Variants in LRRC4C observed in about 807,000 individuals in gnomAD.
LRRC4C encodes leucine-rich repeat-containing protein 4C.
A neutral mutation model predicts 33.6 loss-of-function variants in LRRC4C; 5 were observed. The ratio of observed to expected loss-of-function variants is 0.15; its 90% CI spans 0.08 to 0.31. The LOEUF is 0.31. Ranked by LOEUF, LRRC4C falls within the 10% of genes least tolerant of loss-of-function variation. The pLI is 1.00. For missense variants in LRRC4C, 560 were observed against 796.7 expected (o/e 0.70, Z 3.58); for synonymous variants, 329 against 302.0 (o/e 1.09, Z -0.93).
chr11:40,338,679 AT>A (rs763860062), intron 3 of LRRC4C, among the ~76,000 whole-genome samples: 1 of 152,060 alleles, frequency 6.6e-6, no homozygotes, highest in African/African-American at 2.4e-5. Flanking sequence ...TTTTGAAAGT[AT>A]TTTTTTTAAA....
At chr11:41,277,459 G>A (rs568602382) in intron 1 of LRRC4C, among the ~76,000 whole-genome samples, 1 of 152,252 alleles carries the variant, frequency 6.6e-6, no homozygotes, top group South Asian at 2.1e-4. Context: ...ATTGGAAAAT[G>A]TATTTCCATA....
At chr11:40,758,036 A>G (rs761740871) in intron 2 of LRRC4C, among the ~76,000 whole-genome samples, 1 of 152,072 alleles carries the variant, frequency 6.6e-6, no homozygotes, top group Non-Finnish European at 1.5e-5. Context: ...AGTTGCTTCA[A>G]TGCAGTGACG....
At chr11:40,650,369 G>A (rs1268773190) in intron 2 of LRRC4C, among the ~76,000 whole-genome samples, 1 of 152,018 alleles carries the variant, frequency 6.6e-6, no homozygotes, top group African/African-American at 2.4e-5. Context: ...CTGAAAAAGG[G>A]CCAGTCATCC....
In LRRC4C at chr11:40,326,738, T is replaced by C. The variant is rs138437061; in HGVS notation, c.-269-7017A>G. 4.3e-3 allele frequency among the ~76,000 whole-genome samples: 651 copies of C among 152,272 alleles called. 5 individuals are homozygous for C. Among genetic ancestry groups the C allele is most frequent in the African/African-American group, 0.014 (594 of 41,556 alleles). On this transcript the variant is annotated intron_variant, in intron 3 of 6. Coordinates refer to ENST00000528697, the MANE Select transcript of LRRC4C (RefSeq NM_001258419.2). ...GACAGAAATCAAACAATGCAGGAAC[T>C]TGCAGCTCCTGTCAGTATTGTTGGA...
chr11:40,384,608 A>G (rs1213292116), intron 3 of LRRC4C, among the ~76,000 whole-genome samples: 1 of 152,168 alleles, frequency 6.6e-6, no homozygotes, highest in Non-Finnish European at 1.5e-5. Context: ...GAATACCAGG[A>G]GTCTCTTAAA....
chr11:40,381,040 T>C (rs1369239164), intron 3 of LRRC4C, among the ~76,000 whole-genome samples: 1 of 152,162 alleles, frequency 6.6e-6, no homozygotes, highest in Non-Finnish European at 1.5e-5. Flanking sequence ...TAACAACCGC[T>C]CAAGCATTGG....
Position 40,513,112 on chromosome 11 carries a change from G to A in LRRC4C, c.-270+135030C>T, listed in dbSNP as rs190256461. Among the ~76,000 whole-genome samples the A allele has an allele frequency of 1.5e-4, 23 of 151,998 alleles. 1 individual carries two copies. The Middle Eastern group carries it at 0.01, about 68-fold the overall frequency. On this transcript the variant is annotated intron_variant, in intron 3 of 6. Transcript: ENST00000528697. ...CAAATACAAAAAATTAGCCAGGCGCGGTGGCATGCGCCTGTAATCCCAGCT... is the reference window on the plus strand; with the variant it reads ...CAAATACAAAAAATTAGCCAGGCGCAGTGGCATGCGCCTGTAATCCCAGCT...
intron 1 of LRRC4C, among the ~76,000 whole-genome samples, chr11:41,007,413 T>G (rs1161569741): frequency 6.6e-6 from 1 of 152,106 alleles, no homozygotes; most frequent in Non-Finnish European, 1.5e-5. Flanking sequence ...TTATACAATT[T>G]GGCAAGAATG....
intron 3 of LRRC4C, among the ~76,000 whole-genome samples, chr11:40,432,116 T>C (rs1156659183): frequency 1.3e-5 from 2 of 152,208 alleles, no homozygotes; most frequent in Non-Finnish European, 2.9e-5. Flanking sequence ...TTAAAATTTT[T>C]ACTCTATCCA....
At chr11:40,621,817 G>A (rs969161881) in intron 3 of LRRC4C, among the ~76,000 whole-genome samples, 2 of 151,696 alleles carry the variant, frequency 1.3e-5, no homozygotes, top group African/African-American at 4.8e-5. Context: ...TTTTCTCAGA[G>A]ATTTTGATGT....
intron 3 of LRRC4C, among the ~76,000 whole-genome samples, chr11:40,371,330 G>A (rs999607631): frequency 1.3e-5 from 2 of 151,896 alleles, no homozygotes; most frequent in Non-Finnish European, 1.5e-5. Context: ...TGTCTCCTCT[G>A]CAAATGTAGA....
chr11:40,167,816 A>T (rs182756720), intron 5 of LRRC4C, among the ~76,000 whole-genome samples: 40 of 152,118 alleles, frequency 2.6e-4, no homozygotes, highest in Admixed American at 8.5e-4. Flanking sequence ...AGGCCGAGGC[A>T]GGTGGATCAC....
chr11:40,573,116 A>G (rs1409425117), intron 3 of LRRC4C, among the ~76,000 whole-genome samples: 1 of 152,208 alleles, frequency 6.6e-6, no homozygotes, highest in Admixed American at 6.5e-5. Flanking sequence ...TCAGGAGAAT[A>G]GCACTTTGCT....
At chr11:40,737,307 C>T (rs921180558) in intron 2 of LRRC4C, among the ~76,000 whole-genome samples, 2 of 152,054 alleles carry the variant, frequency 1.3e-5, no homozygotes, top group African/African-American at 4.8e-5. Flanking sequence ...TGAAAACTGG[C>T]ACAAGACAAG....
intron 1 of LRRC4C, among the ~76,000 whole-genome samples, chr11:41,435,442 G>A (rs7113961): frequency 0.45 from 68,345 of 151,904 alleles, 15,842 homozygotes; most frequent in Middle Eastern, 0.52. Context: ...AAGAGAACCC[G>A]TTGATCAATA....
intron 1 of LRRC4C, among the ~76,000 whole-genome samples, chr11:41,054,987 C>T (rs1181867112): frequency 6.6e-6 from 1 of 152,106 alleles, no homozygotes; most frequent in East Asian, 1.9e-4. Flanking sequence ...AATAAGTGTA[C>T]AGCTTGGAAA....
chr11:40,765,775 C>A (rs1949420324), intron 2 of LRRC4C, among the ~76,000 whole-genome samples: 1 of 149,496 alleles, frequency 6.7e-6, no homozygotes. Flanking sequence ...TGAAAATATG[C>A]AGTCAGAGAA....
intron 1 of LRRC4C, among the ~76,000 whole-genome samples, chr11:41,324,444 AATAAAAGTACTATTTT>A (rs2137301334): frequency 6.6e-6 from 1 of 152,318 alleles, no homozygotes; most frequent in African/African-American, 2.4e-5. Context: ...AAAATAAATA[AATAAAAGTACTATTTT>A]AGGAGGAAGA....
chr11:41,018,619 C>G (rs1333900049), intron 1 of LRRC4C, among the ~76,000 whole-genome samples: 1 of 152,086 alleles, frequency 6.6e-6, no homozygotes, highest in African/African-American at 2.4e-5. Flanking sequence ...TTGTTGATAC[C>G]AAGGCCCCTT....
Sources: gnomAD v4.1 joint callset for allele counts (sites outside exome capture counted in the v4.1 genomes callset) on GRCh38, gnomAD v4.1.1 for gene constraint, MANE v1.5 for transcripts, NCBI Gene and HGNC (gene_info 2026-07-23, HGNC 2026-07-21) for gene names.